The following KCND2 variants were observed in gnomAD, a reference collection of about 807,000 sequenced individuals.
KCND2 encodes the protein A-type voltage-gated potassium channel KCND2.
In KCND2, 16 loss-of-function variants were observed where a neutral mutation model predicts 54.4. That is an observed-to-expected ratio of 0.29 (90% confidence interval 0.20 to 0.45). KCND2 has a LOEUF of 0.45. Ranked by LOEUF, KCND2 falls within the 20% of genes least tolerant of loss-of-function variation. The pLI is 1.00. For missense variants in KCND2, 486 were observed against 824.2 expected (o/e 0.59, Z 5.02); for synonymous variants, 317 against 310.7 (o/e 1.02, Z -0.21).
At chr7:120,430,196 C>T (rs1228047362) in intron 1 of KCND2, among the ~76,000 whole-genome samples, 1 of 152,190 alleles carries the variant, frequency 6.6e-6, no homozygotes, top group Non-Finnish European at 1.5e-5. Flanking sequence ...TTAGGCCCCT[C>T]TCCTTGGCTT....
At chr7:120,652,962 G>A (rs1791756134) in intron 1 of KCND2, among the ~76,000 whole-genome samples, 1 of 152,120 alleles carries the variant, frequency 6.6e-6, no homozygotes, top group Non-Finnish European at 1.5e-5. Context: ...CTTTTAGAAT[G>A]TTGAGGATGG....
intron 1 of KCND2, among the ~76,000 whole-genome samples, chr7:120,692,708 G>T (rs1281961902): frequency 6.6e-6 from 1 of 152,196 alleles, no homozygotes; most frequent in Non-Finnish European, 1.5e-5. Flanking sequence ...TTTGCAGCAA[G>T]TACGCTCACC....
At chr7:120,743,747 AAG>A (rs1324493970) in intron 4 of KCND2, among the ~76,000 whole-genome samples, 1 of 152,190 alleles carries the variant, frequency 6.6e-6, no homozygotes, top group Non-Finnish European at 1.5e-5. Context: ...TGGTCAGAAG[AAG>A]AGAGTGTAGC....
chr7:120,324,349 G>A (rs796183551), intron 1 of KCND2, among the ~76,000 whole-genome samples: 2 of 146,884 alleles, frequency 1.4e-5, no homozygotes, highest in African/African-American at 5.0e-5. Context: ...ATTGCTTTTG[G>A]TGTTTTAGAC....
At chr7:120,504,070 A>T (rs1230999366) in intron 1 of KCND2, among the ~76,000 whole-genome samples, 1 of 152,014 alleles carries the variant, frequency 6.6e-6, no homozygotes, top group African/African-American at 2.4e-5. Flanking sequence ...CAGATCTTCA[A>T]GATCTGATTC....
intron 1 of KCND2, among the ~76,000 whole-genome samples, chr7:120,481,617 G>A (rs907463440): frequency 6.6e-6 from 1 of 152,134 alleles, no homozygotes; most frequent in Non-Finnish European, 1.5e-5. Context: ...GTTTTCAGGG[G>A]TGAGCCCTGG....
intron 1 of KCND2, among the ~76,000 whole-genome samples, chr7:120,386,564 C>G (rs76527632): frequency 6.6e-6 from 1 of 152,014 alleles, no homozygotes; most frequent in Non-Finnish European, 1.5e-5. Context: ...CTTAAAAAGC[C>G]AAAAGAATTA....
rs371068918 is a variant in KCND2, at chr7:120,740,640, T to G, written c.1279-894T>G. Among the ~76,000 whole-genome samples the G allele has an allele frequency of 1.9e-4, 29 of 152,246 alleles. 1 individual carries two copies. Among genetic ancestry groups the G allele is most frequent in the African/African-American group, 6.7e-4 (28 of 41,564 alleles). On this transcript the variant is annotated intron_variant, in intron 2 of 5. Transcript: ENST00000331113. ...GAAATCTGGCTACACAGCCAGATCC[T>G]TAGTACTTTCACTTTAGGGATCTAA...
chr7:120,509,506 G>A (rs1401375910), intron 1 of KCND2, among the ~76,000 whole-genome samples: 7 of 151,874 alleles, frequency 4.6e-5, no homozygotes, highest in Non-Finnish European at 1.0e-4. Flanking sequence ...TCTCTTATCC[G>A]GGGTTGAATT....
At chr7:120,546,073 A>G (rs1359460388) in intron 1 of KCND2, among the ~76,000 whole-genome samples, 12 of 151,962 alleles carry the variant, frequency 7.9e-5, no homozygotes, top group Non-Finnish European at 1.8e-4. Flanking sequence ...TAACATTCAC[A>G]ATACATGTAA....
Position 120,273,412 on chromosome 7 carries a change from C to CGCCCAGCA in KCND2, c.-1217_-1216insAGCAGCCC, listed in dbSNP as rs1799111250. Among the ~76,000 whole-genome samples, 1 of 147,560 alleles carries CGCCCAGCA rather than the reference C, an allele frequency of 6.8e-6. No homozygotes were observed. Among genetic ancestry groups the CGCCCAGCA allele is most frequent in the African/African-American group, 2.4e-5 (1 of 40,918 alleles). ...ACCGCGCCAACGCCGCCCGCCCGGC[C>CGCCCAGCA]GCCCCGCAGCCCCGCCGCCCCGCAG... On this transcript the variant is annotated 5_prime_UTR_variant, in exon 1 of 6. An upstream open reading frame in the 5' UTR loses its in-frame stop. Coordinates refer to ENST00000331113, the MANE Select transcript of KCND2 (RefSeq NM_012281.3).
intron 1 of KCND2, among the ~76,000 whole-genome samples, chr7:120,306,520 T>A (rs1799652952): frequency 6.6e-6 from 1 of 152,056 alleles, no homozygotes; most frequent in Admixed American, 6.6e-5. Context: ...CTGGTCACAC[T>A]GATTATGCAA....
intron 1 of KCND2, among the ~76,000 whole-genome samples, chr7:120,333,037 T>C (rs1057122912): frequency 5.3e-5 from 8 of 152,096 alleles, no homozygotes; most frequent in Admixed American, 2.0e-4. Flanking sequence ...GTCTATGGTA[T>C]CTTCTAGAAT....
At chr7:120,432,501 G>GCACACACACACA (rs10574734) in intron 1 of KCND2, among the ~76,000 whole-genome samples, 3 of 137,628 alleles carry the variant, frequency 2.2e-5, no homozygotes, top group African/African-American at 9.5e-5. Context: ...GTGAATACAC[G>GCACACACACACA]CACACACACA....
intron 1 of KCND2, among the ~76,000 whole-genome samples, chr7:120,294,706 T>G: frequency 6.6e-6 from 1 of 151,838 alleles, no homozygotes; most frequent in East Asian, 1.9e-4. Context: ...TAAAAATCAT[T>G]AATGTGACAT....
At chr7:120,722,887 A>G (rs1232438093) in intron 1 of KCND2, among the ~76,000 whole-genome samples, 1 of 152,152 alleles carries the variant, frequency 6.6e-6, no homozygotes, top group Non-Finnish European at 1.5e-5. Context: ...TGAATAGATT[A>G]TAAGCAATGA....
At chr7:120,366,009 C>T (rs1357472915) in intron 1 of KCND2, among the ~76,000 whole-genome samples, 1 of 151,976 alleles carries the variant, frequency 6.6e-6, no homozygotes, top group Non-Finnish European at 1.5e-5. Flanking sequence ...TAACTGTGCC[C>T]TTTATCAGCA....
At chr7:120,415,943 G>A (rs527910334) in intron 1 of KCND2, among the ~76,000 whole-genome samples, 5 of 152,198 alleles carry the variant, frequency 3.3e-5, no homozygotes, top group South Asian at 4.2e-4. Flanking sequence ...CATTCTGAAC[G>A]TCTTTGTTTC....
intron 1 of KCND2, among the ~76,000 whole-genome samples, chr7:120,675,888 C>G (rs1372398038): frequency 1.4e-5 from 2 of 144,118 alleles, no homozygotes; most frequent in African/African-American, 5.1e-5. Context: ...GACAGAGTCT[C>G]GCCCTGTCTC....
Sources: gnomAD v4.1 joint callset for allele counts (sites outside exome capture counted in the v4.1 genomes callset) on GRCh38, gnomAD v4.1.1 for gene constraint, MANE v1.5 for transcripts, NCBI Gene and HGNC (gene_info 2026-07-23, HGNC 2026-07-21) for gene names.